The following HTR4 variants were observed in gnomAD, a reference collection of about 807,000 sequenced individuals.
HTR4 encodes the protein 5-hydroxytryptamine (serotonin) receptor 4, G protein-coupled.
A neutral mutation model predicts 36.8 loss-of-function variants in HTR4; 16 were observed. The observed-to-expected ratio is 0.43, with a 90% CI of 0.29 to 0.66. The LOEUF (loss-of-function observed/expected upper bound fraction) is 0.66. Ranked by LOEUF, HTR4 falls within the 30% of genes least tolerant of loss-of-function variation. HTR4 has a pLI of 0.13. For synonymous variants in HTR4, 189 were observed against 185.1 expected, an observed-to-expected ratio of 1.02 and a Z score of -0.17; for missense variants, 438 against 490.9, an observed-to-expected ratio of 0.89 and a Z score of 1.02.
intron 4 of HTR4, among the ~76,000 whole-genome samples, chr5:148,530,395 A>G (rs1361650557): frequency 2.0e-5 from 3 of 152,042 alleles, no homozygotes; most frequent in Admixed American, 1.3e-4. Context: ...TGTCCCAGCT[A>G]CTCCAGGCAT....
At position 148,574,384 on chromosome 5, in the gene HTR4, TCG is replaced by T. The variant is rs557005458; in HGVS notation, c.27-24124_27-24123del. Among the ~76,000 whole-genome samples the T allele has an allele frequency of 1.6e-3, 221 of 142,284 alleles. 1 individual carries two copies. In the South Asian group the frequency reaches 0.023, roughly 15 times the overall value. The allele number at this position is 142,284 out of a possible 152,430, so 93.3% of individuals were successfully genotyped here. A position where few individuals can be genotyped will look rare whatever the true frequency, so the allele number is the denominator to read the frequency against. ...AAAGGGCAAATATGCTGTAAGGCTC[TCG>T]CGCGCTCTCTCTCTCTCTCTCTCAC... On this transcript the variant is annotated intron_variant, in intron 2 of 6. Transcript: ENST00000377888.
intron 2 of HTR4, among the ~76,000 whole-genome samples, chr5:148,593,391 T>C (rs1337014212): frequency 1.3e-5 from 2 of 152,200 alleles, no homozygotes; most frequent in African/African-American, 4.8e-5. Flanking sequence ...TCATCATTTG[T>C]TCTCAAAGCT....
Position 148,531,326 on chromosome 5 carries a change from G to T in HTR4, c.354-7980C>A, listed in dbSNP as rs146580423. 5.6e-3 allele frequency among the ~76,000 whole-genome samples: 851 copies of T among 152,164 alleles called. 3 individuals carry two copies. The highest frequency in any genetic ancestry group is 0.019 in the African/African-American group (801 of 41,476). ...CCGGTTGGAGGTGGTTTAATCATGG[G>T]GTGGGTGTTCCCCATGCTATTCTCA... On this transcript the variant is annotated intron_variant, in intron 4 of 6. Transcript: ENST00000377888.
At chr5:148,600,249 A>G (rs184746465) in intron 2 of HTR4, among the ~76,000 whole-genome samples, 502 of 148,324 alleles carry the variant, frequency 3.4e-3, no homozygotes, top group African/African-American at 0.012. Flanking sequence ...TAAAATATGA[A>G]TATATCTTCA....
intron 1 of HTR4, among the ~76,000 whole-genome samples, chr5:148,639,264 A>C (rs10060894): frequency 0.011 from 1,731 of 152,130 alleles, 37 homozygotes; most frequent in African/African-American, 0.04. Context: ...GTGGCTTCCT[A>C]TCACACTTAG....
intron 5 of HTR4, among the ~76,000 whole-genome samples, chr5:148,463,384 G>A (rs1054856371): frequency 5.9e-5 from 9 of 151,272 alleles, no homozygotes; most frequent in African/African-American, 1.2e-4. Context: ...GTTTCACCAC[G>A]TTGGCCAGGA....
At chr5:148,609,341 G>A (rs1216672928) in intron 2 of HTR4, among the ~76,000 whole-genome samples, 1 of 152,126 alleles carries the variant, frequency 6.6e-6, no homozygotes, top group African/African-American at 2.4e-5. Flanking sequence ...AGTCAACTCA[G>A]TTCCCACTGT....
chr5:148,640,975 CAG>C (rs1237925556), intron 1 of HTR4, among the ~76,000 whole-genome samples: 1 of 152,118 alleles, frequency 6.6e-6, no homozygotes, highest in East Asian at 1.9e-4. Flanking sequence ...TGCATTTTAT[CAG>C]AGAGAAAGGA....
At chr5:148,509,393 G>C (rs911179234) in intron 6 of HTR4, 63 bp downstream of exon 6, 2 of 1,245,412 alleles carry the variant, frequency 1.6e-6, no homozygotes. Context: ...CAGAAAACTG[G>C]AGCATTACCC....
rs146048916 is a variant in HTR4, at chr5:148,488,824, C to A, written c.1077-5531G>T. Among the ~76,000 whole-genome samples, 23 of 152,252 alleles carry A rather than the reference C, an allele frequency of 1.5e-4. No homozygotes were observed. The East Asian group carries it at 3.7e-3, about 24-fold the overall frequency. On this transcript the variant is annotated intron_variant, in intron 6 of 6. Transcript: ENST00000377888. ...GTGGCCTCTGGACAAAATGTATTCC[C>A]AAGGGCCCTTTAATCTCATCACCAG... is the stretch of plus-strand genomic sequence containing the variant.
chr5:148,453,403 A>G (rs1755019171), intron 5 of HTR4, among the ~76,000 whole-genome samples: 1 of 152,226 alleles, frequency 6.6e-6, no homozygotes, highest in African/African-American at 2.4e-5. Flanking sequence ...TTCAGTGTTA[A>G]CGACTATATG....
chr5:148,504,908 T>C (rs1168203466), intron 6 of HTR4, among the ~76,000 whole-genome samples: 2 of 152,152 alleles, frequency 1.3e-5, no homozygotes, highest in African/African-American at 4.8e-5. Flanking sequence ...AATGGATAAA[T>C]TCCTGGACAC....
Position 148,527,339 on chromosome 5 carries a change from G to A in HTR4, c.354-3993C>T, listed in dbSNP as rs201052468. Reference sequence around the variant, plus strand: ...AGAATTTACAAGAGGGCTTTAGAATGTATGGTTATATTGGTGCTCATAACA... The same window carrying A: ...AGAATTTACAAGAGGGCTTTAGAATATATGGTTATATTGGTGCTCATAACA... On this transcript the variant is annotated intron_variant, in intron 4 of 6. Transcript: ENST00000377888. 2.6e-5 allele frequency among the ~76,000 whole-genome samples: 4 copies of A among 152,154 alleles called. No homozygotes were observed. The East Asian group carries it at 7.7e-4, about 29-fold the overall frequency.
At chr5:148,597,354 G>A (rs1469885153) in intron 2 of HTR4, among the ~76,000 whole-genome samples, 1 of 152,126 alleles carries the variant, frequency 6.6e-6, no homozygotes, top group Non-Finnish European at 1.5e-5. Flanking sequence ...TCCAACCAGG[G>A]TCTTTTCCAA....
intron 4 of HTR4, among the ~76,000 whole-genome samples, chr5:148,534,745 AC>A (rs1483985007): frequency 1.3e-5 from 2 of 151,736 alleles, no homozygotes; most frequent in Non-Finnish European, 2.9e-5. Flanking sequence ...CCCAGCACAT[AC>A]CCTTCAGTCT....
chr5:148,647,587 G>A (rs1292085072), intron 1 of HTR4, among the ~76,000 whole-genome samples: 1 of 152,156 alleles, frequency 6.6e-6, no homozygotes, highest in Non-Finnish European at 1.5e-5. Context: ...GGTGGCTCAC[G>A]CCTGTAATCC....
chr5:148,648,499 C>T (rs1007598348), intron 1 of HTR4, among the ~76,000 whole-genome samples: 5 of 152,152 alleles, frequency 3.3e-5, no homozygotes, highest in Non-Finnish European at 4.4e-5. Flanking sequence ...TGTGCAGGAA[C>T]CTCAAAAAGA....
rs1216885768 is a variant in HTR4, at chr5:148,520,763, T to C, written c.507+2430A>G. On this transcript the variant is annotated intron_variant, in intron 5 of 6. Transcript: ENST00000377888. ...ATTATTCTTGGAGTAATAATAATGGTTGAAAATTTGGATTTCATTTCCTCC... is the reference window on the plus strand; with the variant it reads ...ATTATTCTTGGAGTAATAATAATGGCTGAAAATTTGGATTTCATTTCCTCC... Among the ~76,000 whole-genome samples, 3 of 152,176 alleles carry C rather than the reference T, an allele frequency of 2.0e-5. No homozygotes were observed. In the East Asian group the frequency reaches 5.8e-4, roughly 29 times the overall value.
intron 2 of HTR4, among the ~76,000 whole-genome samples, chr5:148,560,161 C>T (rs17108410): frequency 0.18 from 25,169 of 143,596 alleles, 2,898 homozygotes; most frequent in African/African-American, 0.33. Context: ...TCCCAGTTAA[C>T]GTTTTTTCTT....
Sources: allele counts gnomAD v4.1 joint callset (sites outside exome capture counted in the v4.1 genomes callset), GRCh38; gene constraint gnomAD v4.1.1; transcripts MANE v1.5; gene names NCBI Gene and HGNC (gene_info 2026-07-23, HGNC 2026-07-21).